Variants in TMEM106C observed in about 807,000 individuals in gnomAD.
TMEM106C encodes the protein endoplasmic reticulum membrane protein overexpressed in cancer.
A neutral mutation model predicts 30.8 loss-of-function variants in TMEM106C; 27 were observed. The ratio of observed to expected loss-of-function variants is 0.88; its 90% CI spans 0.65 to 1.21. The LOEUF (loss-of-function observed/expected upper bound fraction) is 1.21. Among genes scored for constraint, TMEM106C ranks in the 50% most tolerant of loss-of-function variants. TMEM106C has a pLI of 0.00. For synonymous variants in TMEM106C, 123 were observed against 118.8 expected (o/e 1.04, Z -0.23); for missense variants, 288 against 307.8 (o/e 0.94, Z 0.48).
At chr12:47,964,717 G>A in intron 2 of TMEM106C, 1 of 417,480 alleles carries the variant, frequency 2.4e-6, no homozygotes, top group South Asian at 2.4e-5. Flanking sequence ...CTTTATCGCT[G>A]TCACAAGGAT....
At chr12:47,964,848 C>G (rs1938167510) in intron 2 of TMEM106C, 1 of 276,388 alleles carries the variant, frequency 3.6e-6, no homozygotes, top group Non-Finnish European at 6.9e-6. Flanking sequence ...AAATACTTAG[C>G]CTTGGTACAG....
chr12:47,965,922 T>C lies in TMEM106C; in HGVS notation c.336T>C (p.Leu112=), dbSNP rs114647846. The part of the protein sequence containing the change: ...VVFFLFPHSV[L]VDDDGIKVVK... ...TCTTCCTGTTTCCGCATTCAGTCCT[T>C]GTGGATGATGACGGCATCAAAGTGG... Residue 112 remains leucine, a synonymous_variant, in exon 4 of 8, where the codon CTT becomes CTC. Transcript: ENST00000429772. The C allele has an allele frequency of 2.6e-4, 422 of 1,614,224 alleles. No individual in the cohort carries two copies. In the African/African-American group the frequency reaches 5.0e-3, roughly 19 times the overall value.
intron 7 of TMEM106C, 127 bp from the exon 8 acceptor site, chr12:47,968,006 C>A: frequency 1.5e-6 from 1 of 651,434 alleles, no homozygotes; most frequent in Non-Finnish European, 2.7e-6. Flanking sequence ...GTTACATAAC[C>A]ATGAGGATAT....
chr12:47,965,933 A>G lies in TMEM106C; in HGVS notation c.347A>G (p.Asp116Gly), dbSNP rs757555318. 8 of 1,614,050 alleles carry G rather than the reference A, an allele frequency of 5.0e-6. No individual in the cohort carries two copies. Among genetic ancestry groups the G allele is most frequent in the African/African-American group, 1.3e-5 (1 of 74,904 alleles). The stretch of plus-strand genomic sequence containing the variant: ...CCGCATTCAGTCCTTGTGGATGATG[A>G]CGGCATCAAAGTGGTGAAAGTCACA... ...LFPHSVLVDD[D>G]GIKVVKVTFN... Residue 116 changes from aspartate to glycine, a missense_variant, in exon 4 of 8, where the codon GAC becomes GGC. By Grantham distance (94) the Asp-to-Gly change is moderately conservative. Transcript: ENST00000429772.
intron 2 of TMEM106C, 130 bp downstream of exon 2, chr12:47,964,553 C>A: frequency 1.3e-6 from 1 of 791,480 alleles, no homozygotes; most frequent in Non-Finnish European, 2.1e-6. Context: ...GGAGCCAGCT[C>A]AACTGACTTA....
At chr12:47,965,730 G>A in intron 3 of TMEM106C, 108 bp from the exon 4 acceptor site, 1 of 1,400,424 alleles carries the variant, frequency 7.1e-7, no homozygotes, top group South Asian at 1.3e-5. Flanking sequence ...CTGGCTCTTG[G>A]AACTTCCCTT....
Position 47,965,957 on chromosome 12 carries a change from C to T in TMEM106C, c.371C>T (p.Thr124Ile), listed in dbSNP as rs1329608004. The change falls in exon 4 of 8, where the codon ACA becomes ATA. Residue 124 changes from threonine (T) to isoleucine (I), a missense_variant. By Grantham distance (89) the Thr-to-Ile change is moderately conservative. Coordinates refer to ENST00000429772, the MANE Select transcript of TMEM106C (RefSeq NM_001143842.2). ...DDDGIKVVKV[T>I]FNKQDSLVIL... Reference sequence around the variant, plus strand: ...GACGGCATCAAAGTGGTGAAAGTCACATTTAATAAGCAAGACTCCCTTGTA... The same window carrying T: ...GACGGCATCAAAGTGGTGAAAGTCATATTTAATAAGCAAGACTCCCTTGTA... 6.2e-7 allele frequency: 1 copy of T among 1,614,110 alleles called. No homozygotes were observed. The highest frequency in any genetic ancestry group is 1.3e-5 in the African/African-American group (1 of 74,926).
intron 2 of TMEM106C, 107 bp downstream of exon 2, chr12:47,964,530 A>T (rs1938157527): frequency 3.8e-6 from 4 of 1,044,918 alleles, no homozygotes; most frequent in Non-Finnish European, 5.7e-6. Flanking sequence ...TAATAGAGAC[A>T]GTGCCCTGGA....
In TMEM106C at chr12:47,965,910, G is replaced by C. The variant is rs114850748; in HGVS notation, c.324G>C (p.Pro108=). The C allele has an allele frequency of 1.2e-6, 2 of 1,614,052 alleles. No individual in the cohort carries two copies. Among genetic ancestry groups the C allele is most frequent in the Admixed American group, 1.7e-5 (1 of 60,006 alleles). The change falls in exon 4 of 8, where the codon CCG becomes CCC. Residue 108 remains proline, a synonymous_variant. Transcript: ENST00000429772. ...GTTTGGTGGTTTTCTTCCTGTTTCC[G>C]CATTCAGTCCTTGTGGATGATGACG... ...ASGLVVFFLF[P]HSVLVDDDGI...
In TMEM106C at chr12:47,964,378, A is replaced by G. The variant is rs1442438606; in HGVS notation, c.142A>G (p.Ser48Gly). ...ATATGTGGAATTCACCGGGAGAGAT[A>G]GCATCACCTGTCTCACGTGCCAGGG... ...FPYVEFTGRD[S>G]ITCLTCQGTG... The change falls in exon 2 of 8, where the codon AGC (serine) becomes GGC (glycine). Residue 48 changes from serine (S) to glycine (G), a missense_variant. Physicochemically the swap from Ser to Gly is moderately conservative, Grantham distance 56. Coordinates refer to ENST00000429772, the MANE Select transcript of TMEM106C (RefSeq NM_001143842.2). The G allele has an allele frequency of 6.2e-7, 1 of 1,614,214 alleles. No individual in the cohort carries two copies. Among genetic ancestry groups the G allele is most frequent in the East Asian group, 2.2e-5 (1 of 44,874 alleles).
intron 5 of TMEM106C, 79 bp from the exon 6 acceptor site, chr12:47,966,604 G>T: frequency 6.7e-7 from 1 of 1,486,716 alleles, no homozygotes; most frequent in East Asian, 2.3e-5. Flanking sequence ...ATGACCCAAG[G>T]TCTTTGGATT....
intron 2 of TMEM106C, 68 bp downstream of exon 2, chr12:47,964,491 G>A: frequency 6.5e-7 from 1 of 1,530,380 alleles, no homozygotes; most frequent in Non-Finnish European, 9.0e-7. Flanking sequence ...TGTCTGCCCA[G>A]ACAACTTTTC....
rs1938300250 is a variant in TMEM106C, at chr12:47,968,048, A to G, written c.657-85A>G. On this transcript the variant is annotated intron_variant, in intron 7 of 7. Transcript: ENST00000429772. ...GGGGCCCGTGGGTATTGTTCTCTGA[A>G]CTTGCAAAAAATTTCCTGGGACATT... 3 of 1,078,386 alleles carry G rather than the reference A, an allele frequency of 2.8e-6. No homozygotes were observed. The East Asian group carries it at 7.2e-5, about 26-fold the overall frequency. The allele number at this position is 1,078,386 out of a possible 1,614,324, so 66.8% of individuals were successfully genotyped here. A position where few individuals can be genotyped will look rare whatever the true frequency, so the allele number is the denominator to read the frequency against.
rs750699140 is a variant in TMEM106C, at chr12:47,966,057, T to C, written c.412-32T>C. 3.7e-6 allele frequency: 6 copies of C among 1,614,088 alleles called. No individual in the cohort carries two copies. The South Asian group carries it at 5.5e-5, about 15-fold the overall frequency. The stretch of plus-strand genomic sequence containing the variant: ...CCTGCCAGGCTGGGACCCAGGACAC[T>C]TACACTTGTTTCCTGACTTGCCCTG... On this transcript the variant is annotated intron_variant, in intron 4 of 7. Transcript: ENST00000429772.
At chr12:47,967,413 T>C in intron 7 of TMEM106C, 152 bp downstream of exon 7, 1 of 744,664 alleles carries the variant, frequency 1.3e-6, no homozygotes, top group East Asian at 2.5e-5. Context: ...ACCCTTGGTG[T>C]TCTCTAAACA....
chr12:47,964,541 C>T (rs1701787225), intron 2 of TMEM106C, 118 bp downstream of exon 2: 5 of 890,922 alleles, frequency 5.6e-6, no homozygotes, highest in Non-Finnish European at 8.8e-6. Context: ...GTGCCCTGGA[C>T]AGGAGCCAGC....
chr12:47,966,949 T>C (rs941886820), intron 6 of TMEM106C: 1 of 638,936 alleles, frequency 1.6e-6, no homozygotes, highest in African/African-American at 1.8e-5. Context: ...TGCTGGAATT[T>C]CTAAAAGAGA....
chr12:47,966,573 T>C, intron 5 of TMEM106C, 110 bp from the exon 6 acceptor site: 2 of 1,196,016 alleles, frequency 1.7e-6, no homozygotes, highest in Admixed American at 1.7e-5. Context: ...CTCAGGGAAG[T>C]ATTTTGCATG....
Position 47,967,253 on chromosome 12 carries a change from C to A in TMEM106C, c.648C>A (p.Ile216=). 1 of 1,614,186 alleles carries A rather than the reference C, an allele frequency of 6.2e-7. No homozygotes were observed. The highest frequency in any genetic ancestry group is 8.5e-7 in the Non-Finnish European group (1 of 1,180,032). ...VPEILVHNIV[I]FMRTSVKISY... ...AGATCCTGGTGCACAACATAGTGAT[C>A]TTCATGCGGTGCGTCTCTCTTCCCT... The change falls in exon 7 of 8, where the codon ATC becomes ATA. Residue 216 remains isoleucine, a synonymous_variant. Transcript: ENST00000429772.
Sources: gnomAD v4.1 joint callset for allele counts on GRCh38, gnomAD v4.1.1 for gene constraint, MANE v1.5 for transcripts, NCBI Gene and HGNC (gene_info 2026-07-23, HGNC 2026-07-21) for gene names.